Variants in ARHGAP39 observed in about 807,000 individuals in gnomAD.
ARHGAP39 encodes rho GTPase-activating protein 39.
Under a neutral mutation model 106.9 loss-of-function variants are expected in ARHGAP39, and 44 were observed. The observed-to-expected ratio is 0.41, with a 90% confidence interval of 0.32 to 0.53. The LOEUF (loss-of-function observed/expected upper bound fraction) is 0.53, where lower values mean the gene tolerates loss of function less well. Ranked by LOEUF, ARHGAP39 falls within the 20% of genes least tolerant of loss-of-function variation. The pLI, the probability that ARHGAP39 is intolerant of heterozygous loss-of-function variation, is 0.21. For missense variants in ARHGAP39, 1,496 were observed against 1,577.3 expected, an observed-to-expected ratio of 0.95 and a Z score of 0.87; for synonymous variants, 768 against 693.2, an observed-to-expected ratio of 1.11 and a Z score of -1.69.
chr8:144,591,571 C>G lies in ARHGAP39; in HGVS notation c.81-10294G>C, dbSNP rs1220869290. ...AACCTCCTGGCTGGTCCACAGGGAG[C>G]AGGATGAAGGCTCCGGGAGGCCAGT... is the stretch of plus-strand genomic sequence containing the variant. On this transcript the variant is annotated intron_variant, in intron 2 of 11. Coordinates refer to ENST00000377307, the MANE Select transcript of ARHGAP39 (RefSeq NM_025251.3). This position sits in a 1 kb window ranked among gnomAD's most constrained non-coding sequence, Gnocchi z 5.3. Among the ~76,000 whole-genome samples the G allele has an allele frequency of 1.3e-5, 2 of 152,094 alleles. No individual in the cohort carries two copies.
chr8:144,629,532 C>G (rs960307328), intron 1 of ARHGAP39, among the ~76,000 whole-genome samples: 1 of 152,160 alleles, frequency 6.6e-6, no homozygotes, highest in African/African-American at 2.4e-5. Context: ...GCATGAGCTA[C>G]CCAAAAGCAA....
intron 2 of ARHGAP39, among the ~76,000 whole-genome samples, chr8:144,593,610 CGA>C (rs1819488543): frequency 6.6e-6 from 1 of 151,992 alleles, no homozygotes; most frequent in Non-Finnish European, 1.5e-5. Context: ...TGTGGCCACC[CGA>C]GAGAGTGAAA....
At chr8:144,617,762 A>C (rs549728907) in intron 1 of ARHGAP39, among the ~76,000 whole-genome samples, 1 of 152,114 alleles carries the variant, frequency 6.6e-6, no homozygotes, top group African/African-American at 2.4e-5. Flanking sequence ...TTCTGCATTG[A>C]TTTTAAAAAT....
intron 7 of ARHGAP39, 139 bp from the exon 8 acceptor site, chr8:144,534,341 C>A: frequency 1.2e-6 from 1 of 823,200 alleles, no homozygotes; most frequent in Non-Finnish European, 2.0e-6. Flanking sequence ...CCCAGCACAG[C>A]GGGTCCTCAC....
chr8:144,661,873 C>A (rs1336379197), intron 1 of ARHGAP39, among the ~76,000 whole-genome samples: 2 of 151,750 alleles, frequency 1.3e-5, no homozygotes, highest in East Asian at 3.9e-4. Context: ...TCCCTCTCCC[C>A]ACTATTCACC....
intron 2 of ARHGAP39, among the ~76,000 whole-genome samples, chr8:144,590,819 G>A (rs1050376014): frequency 6.6e-6 from 1 of 152,128 alleles, no homozygotes; most frequent in African/African-American, 2.4e-5. Flanking sequence ...ACCCCAGCCA[G>A]GCCAGAGGCT....
chr8:144,635,704 G>C (rs1293011354), intron 1 of ARHGAP39, among the ~76,000 whole-genome samples: 2 of 152,182 alleles, frequency 1.3e-5, no homozygotes, highest in Non-Finnish European at 2.9e-5. Flanking sequence ...CTCCCGCTAG[G>C]TAGACAGTGT....
upstream of ARHGAP39, among the ~76,000 whole-genome samples, chr8:144,689,341 A>G (rs555473802): frequency 3.4e-5 from 5 of 148,980 alleles, no homozygotes; most frequent in East Asian, 7.9e-4. Context: ...TCTCACTAAC[A>G]CCTGCTGTGG....
At chr8:144,649,296 A>C (rs1042051199) in intron 1 of ARHGAP39, among the ~76,000 whole-genome samples, 20 of 151,680 alleles carry the variant, frequency 1.3e-4, no homozygotes, top group African/African-American at 2.9e-4. Flanking sequence ...CAAAAAAAAA[A>C]CCAATTAGCC....
chr8:144,603,023 ATC>A (rs1229198789), intron 2 of ARHGAP39, among the ~76,000 whole-genome samples: 2 of 101,796 alleles, frequency 2.0e-5, no homozygotes, highest in African/African-American at 4.6e-5. Flanking sequence ...GAGCTCATGT[ATC>A]TGTGTGCGTG....
chr8:144,579,616 C>T (rs986180236), intron 3 of ARHGAP39, among the ~76,000 whole-genome samples: 19 of 152,138 alleles, frequency 1.2e-4, no homozygotes, highest in Non-Finnish European at 2.1e-4. Flanking sequence ...ACCGGGTCCA[C>T]GGGATGAACC....
chr8:144,675,356 T>C (rs1822206014), intron 1 of ARHGAP39, among the ~76,000 whole-genome samples: 1 of 152,212 alleles, frequency 6.6e-6, no homozygotes, highest in Non-Finnish European at 1.5e-5. Context: ...ATTGGTGGGT[T>C]CTTGGTCTTG....
chr8:144,568,649 A>C (rs921174727), intron 3 of ARHGAP39, among the ~76,000 whole-genome samples: 2 of 152,234 alleles, frequency 1.3e-5, no homozygotes, highest in African/African-American at 4.8e-5. Flanking sequence ...CATACTTGAC[A>C]GCAACAGGAC....
chr8:144,531,021 G>A, intron 10 of ARHGAP39, 150 bp from the exon 11 acceptor site: 1 of 1,084,600 alleles, frequency 9.2e-7, no homozygotes, highest in African/African-American at 1.6e-5. Context: ...GGCCAGGCTG[G>A]GCCCTGACCC....
intron 1 of ARHGAP39, among the ~76,000 whole-genome samples, chr8:144,627,369 G>A (rs1169461026): frequency 3.9e-5 from 6 of 152,078 alleles, no homozygotes. Context: ...TGGCTAACAC[G>A]GTGAAACCCC....
intron 3 of ARHGAP39, among the ~76,000 whole-genome samples, chr8:144,575,995 A>G (rs1818758012): frequency 6.6e-6 from 1 of 152,192 alleles, no homozygotes; most frequent in African/African-American, 2.4e-5. Flanking sequence ...AAAGACATCT[A>G]TCTACCCAAA....
At chr8:144,656,194 G>GAAAAAAAAAAAAAAAAA (rs58292458) in intron 1 of ARHGAP39, among the ~76,000 whole-genome samples, 1 of 103,558 alleles carries the variant, frequency 9.7e-6, no homozygotes, top group African/African-American at 3.2e-5. Context: ...AGCAAATAAG[G>GAAAAAAAAAAAAAAAAA]AAAAAAAAAA....
intron 11 of ARHGAP39, 33 bp downstream of exon 11, chr8:144,530,669 G>A (rs1373745979): frequency 2.6e-5 from 29 of 1,105,582 alleles, no homozygotes; most frequent in Non-Finnish European, 3.6e-5. Context: ...GCGGGGAGGG[G>A]AAAGCAGCGG....
intron 1 of ARHGAP39, among the ~76,000 whole-genome samples, chr8:144,660,769 C>G (rs1032061517): frequency 6.6e-6 from 1 of 152,116 alleles, no homozygotes; most frequent in South Asian, 2.1e-4. Context: ...CACTTGAGGT[C>G]AGGAGTTTGA....
Sources: allele counts gnomAD v4.1 joint callset (sites outside exome capture counted in the v4.1 genomes callset), GRCh38; gene constraint gnomAD v4.1.1; non-coding constraint Gnocchi (gnomAD v3.1); transcripts MANE v1.5; gene names NCBI Gene and HGNC (gene_info 2026-07-23, HGNC 2026-07-21).